Variants in MYO9A observed in about 807,000 individuals in gnomAD.
MYO9A encodes the protein myosin IXA, also known as unconventional myosin-IXa.
In MYO9A, 103 loss-of-function variants were observed where a neutral mutation model predicts 293.3. The ratio of observed to expected loss-of-function variants is 0.35; its 90% confidence interval spans 0.30 to 0.41. The LOEUF is 0.41. MYO9A is among the 10% of genes least tolerant of loss of function. The pLI is 1.00. For missense variants in MYO9A, 2,685 were observed against 3,033.0 expected, an observed-to-expected ratio of 0.89 and a Z score of 2.69; for synonymous variants, 1,001 against 1,035.7, an observed-to-expected ratio of 0.97 and a Z score of 0.64.
chr15:72,026,013 C>T (rs574140433), intron 4 of MYO9A, among the ~76,000 whole-genome samples: 2 of 152,176 alleles, frequency 1.3e-5, no homozygotes, highest in East Asian at 3.9e-4. Context: ...GGCATGGTGG[C>T]TCACGCCTGT....
At chr15:71,966,065 T>C (rs1370746473) in intron 13 of MYO9A, among the ~76,000 whole-genome samples, 1 of 151,762 alleles carries the variant, frequency 6.6e-6, no homozygotes, top group African/African-American at 2.4e-5. Context: ...TTAGTAGAGA[T>C]GAGGTTTCAC....
chr15:72,032,454 C>A, intron 3 of MYO9A, 40 bp downstream of exon 3: 3 of 1,299,370 alleles, frequency 2.3e-6, no homozygotes, highest in Admixed American at 2.4e-5. Context: ...AAAATTAAAA[C>A]ATGCTCCAAA....
intron 36 of MYO9A, among the ~76,000 whole-genome samples, 178 bp from the exon 37 acceptor site, chr15:71,851,536 A>G (rs190174215): frequency 4.9e-4 from 74 of 152,316 alleles, no homozygotes; most frequent in African/African-American, 1.6e-3. Context: ...TGAGTTCTAT[A>G]TTCATAAACA....
At chr15:71,895,886 A>G (rs926506402) in intron 25 of MYO9A, among the ~76,000 whole-genome samples, 3 of 152,164 alleles carry the variant, frequency 2.0e-5, no homozygotes, top group Non-Finnish European at 4.4e-5. Context: ...CAGCTACTTT[A>G]TAAGTGTATA....
chr15:71,918,465 C>A (rs1312150196), intron 18 of MYO9A, among the ~76,000 whole-genome samples: 1 of 151,930 alleles, frequency 6.6e-6, no homozygotes, highest in Non-Finnish European at 1.5e-5. Context: ...TATTTCCTGA[C>A]ATGGGAAAAT....
chr15:71,861,679 TA>T (rs66598621), intron 33 of MYO9A, among the ~76,000 whole-genome samples: 16,659 of 83,080 alleles, frequency 0.2, 755 homozygotes, highest in East Asian at 0.42. Context: ...ACTGATGATA[TA>T]AAAAAAAAAA....
At chr15:72,082,858 TC>T (rs1285484861) in intron 1 of MYO9A, among the ~76,000 whole-genome samples, 3 of 150,430 alleles carry the variant, frequency 2.0e-5, no homozygotes, top group African/African-American at 7.4e-5. Flanking sequence ...CAACCTTGTA[TC>T]CCAGTGATAA....
At chr15:71,919,797 G>A (rs545117575) in intron 18 of MYO9A, among the ~76,000 whole-genome samples, 8 of 129,100 alleles carry the variant, frequency 6.2e-5, no homozygotes, top group Admixed American at 4.9e-4. Context: ...AGCTGAGATC[G>A]CACCACTGCA....
chr15:72,045,065 A>G (rs1384275938), intron 2 of MYO9A: 1 of 152,194 alleles, frequency 6.6e-6, no homozygotes, highest in African/African-American at 2.4e-5. Flanking sequence ...AATATTTTTT[A>G]AAGATATGTT....
intron 9 of MYO9A, among the ~76,000 whole-genome samples, 194 bp downstream of exon 9, chr15:71,999,657 T>G (rs1304900784): frequency 1.3e-5 from 2 of 152,172 alleles, no homozygotes; most frequent in African/African-American, 2.4e-5. Flanking sequence ...GCAAGCCTAT[T>G]TCTCACAATC....
Position 72,045,988 on chromosome 15 carries a change from A to G in MYO9A, c.576T>C (p.Leu192=). The G allele has an allele frequency of 1.2e-6, 2 of 1,614,166 alleles. No homozygotes were observed. Among genetic ancestry groups the G allele is most frequent in the African/African-American group, 1.3e-5 (1 of 75,054 alleles). Residue 192 remains leucine, a synonymous_variant, in exon 2 of 42, where the codon CTT becomes CTC. Coordinates refer to ENST00000356056, the MANE Select transcript of MYO9A (RefSeq NM_006901.4). ...TGACATATTTGGGGTTATAAATAGG[A>G]AGAAACTTGAATGGGTTAATAACTA... ...ILIVINPFKF[L]PIYNPKYVKM... is the part of the protein sequence containing the mutation.
chr15:71,879,458 G>A (rs1185166096), intron 30 of MYO9A, among the ~76,000 whole-genome samples: 2 of 152,102 alleles, frequency 1.3e-5, no homozygotes, highest in Admixed American at 1.3e-4. Flanking sequence ...TCTGAAGTCA[G>A]TATCTTAAAA....
chr15:71,848,008 T>A (rs2055466635), intron 39 of MYO9A, among the ~76,000 whole-genome samples: 1 of 152,116 alleles, frequency 6.6e-6, no homozygotes, highest in African/African-American at 2.4e-5. Context: ...AGTAAGGGCA[T>A]GATGAAGCCT....
intron 15 of MYO9A, among the ~76,000 whole-genome samples, chr15:71,941,020 T>C (rs2058759995): frequency 6.6e-6 from 1 of 152,162 alleles, no homozygotes; most frequent in Admixed American, 6.5e-5. Context: ...CATTTTTACA[T>C]CAATTATTAA....
In MYO9A at chr15:71,824,423, T is replaced by TGGCC. The variant is rs2054386254; in HGVS notation, c.*2156_*2157insGGCC. ...CATTCCTCTGGGCCACAGGAAATTA[T>TGGCC]TCCATAAGGGCAATCTCTTTTTTTC... On this transcript the variant is annotated 3_prime_UTR_variant, in exon 42 of 42. Transcript: ENST00000356056. The TGGCC allele has an allele frequency of 6.6e-6, 1 of 152,182 alleles. No individual in the cohort carries two copies. Among genetic ancestry groups the TGGCC allele is most frequent in the African/African-American group, 2.4e-5 (1 of 41,448 alleles). 9.4% of individuals were successfully genotyped at this position (152,182 alleles called of 1,614,324 possible).
At chr15:71,833,007 AAAG>A (rs1385728136) in intron 39 of MYO9A, among the ~76,000 whole-genome samples, 3 of 152,220 alleles carry the variant, frequency 2.0e-5, no homozygotes, top group African/African-American at 7.2e-5. Context: ...CTTCCAAACA[AAAG>A]AAAAAATGGA....
intron 1 of MYO9A, among the ~76,000 whole-genome samples, chr15:72,081,497 A>ACACT (rs1459190095): frequency 1.2e-4 from 2 of 16,202 alleles, no homozygotes; most frequent in African/African-American, 1.8e-4. Flanking sequence ...TCCATTCTGT[A>ACACT]GACTGTTTAC....
intron 29 of MYO9A, 114 bp downstream of exon 29, chr15:71,880,221 C>T (rs927877450): frequency 9.0e-6 from 8 of 888,502 alleles, no homozygotes; most frequent in African/African-American, 1.7e-5. Context: ...AAGAACAGAT[C>T]ATCTAAAGCA....
chr15:72,019,683 C>T (rs2077444250), intron 5 of MYO9A, among the ~76,000 whole-genome samples: 1 of 152,116 alleles, frequency 6.6e-6, no homozygotes, highest in African/African-American at 2.4e-5. Flanking sequence ...TAGGTAGTTT[C>T]AAAATTAAGA....
Sources: gnomAD v4.1 joint callset for allele counts (sites outside exome capture counted in the v4.1 genomes callset) on GRCh38, gnomAD v4.1.1 for gene constraint, MANE v1.5 for transcripts, NCBI Gene and HGNC (gene_info 2026-07-23, HGNC 2026-07-21) for gene names.